The following MYO5C variants were observed in gnomAD, a reference collection of about 807,000 sequenced individuals.
MYO5C encodes the protein unconventional myosin-Vc.
Under a neutral mutation model 235.7 loss-of-function variants are expected in MYO5C, and 194 were observed. The ratio of observed to expected loss-of-function variants is 0.82; its 90% confidence interval spans 0.73 to 0.93. The LOEUF is 0.93. MYO5C is among the 40% of genes least tolerant of loss of function. MYO5C has a pLI of 0.00. For synonymous variants in MYO5C, 707 were observed against 754.8 expected (o/e 0.94, Z 1.04); for missense variants, 2,038 against 2,127.2 (o/e 0.96, Z 0.82).
chr15:52,247,292 G>A (rs977885581), intron 15 of MYO5C, among the ~76,000 whole-genome samples, 166 bp downstream of exon 15: 4 of 152,166 alleles, frequency 2.6e-5, no homozygotes, highest in African/African-American at 7.2e-5. Flanking sequence ...CCTTGGAGGT[G>A]GAAGTATGAC....
At chr15:52,199,774 G>A (rs2035142927) in intron 38 of MYO5C, among the ~76,000 whole-genome samples, 1 of 152,166 alleles carries the variant, frequency 6.6e-6, no homozygotes, top group Non-Finnish European at 1.5e-5. Context: ...GAAGAGAAGG[G>A]AAACTTCCCT....
At chr15:52,198,588 TTTTG>T (rs1260268014) in intron 38 of MYO5C, among the ~76,000 whole-genome samples, 2 of 152,116 alleles carry the variant, frequency 1.3e-5, no homozygotes, top group East Asian at 1.9e-4. Flanking sequence ...TTGTTTGTTT[TTTTG>T]TTTGTTTGAG....
chr15:52,268,250 CAA>C (rs1481045301), intron 8 of MYO5C, among the ~76,000 whole-genome samples: 7 of 152,138 alleles, frequency 4.6e-5, no homozygotes, highest in African/African-American at 1.7e-4. Context: ...GACATTTCAG[CAA>C]GAGAGATTTC....
Position 52,196,338 on chromosome 15 carries a change from C to T in MYO5C, c.4966G>A (p.Glu1656Lys), listed in dbSNP as rs188553744. Reference protein sequence around the residue: ...TTDSDAKEIYERCTSLSAVQI... With the variant: ...TTDSDAKEIYKRCTSLSAVQI... ...ACAGCAGACAGTGAGGTGCAGCGTT[C>T]GTAGATCTCCTTGGCATCACTGTCT... Residue 1656 changes from glutamate to lysine, a missense_variant, in exon 39 of 41, where the codon GAA (glutamate) becomes AAA (lysine). Coordinates refer to ENST00000261839, the MANE Select transcript of MYO5C (RefSeq NM_018728.4). The T allele has an allele frequency of 1.3e-4, 210 of 1,613,082 alleles. 1 individual carries two copies. The East Asian group carries it at 3.9e-3, about 30-fold the overall frequency.
intron 35 of MYO5C, among the ~76,000 whole-genome samples, chr15:52,211,527 C>T (rs944071723): frequency 4.6e-5 from 7 of 152,164 alleles, no homozygotes; most frequent in African/African-American, 1.4e-4. Context: ...GCAGTCTCGC[C>T]GGTAAGGCTT....
chr15:52,257,797 A>G (rs577588052), intron 10 of MYO5C, among the ~76,000 whole-genome samples: 100 of 152,304 alleles, frequency 6.6e-4, no homozygotes, highest in Middle Eastern at 3.4e-3. Context: ...CTTTGTTCTT[A>G]ATCGCTCTAA....
At chr15:52,202,583 C>A (rs1445434884) in intron 38 of MYO5C, among the ~76,000 whole-genome samples, 1 of 152,138 alleles carries the variant, frequency 6.6e-6, no homozygotes, top group African/African-American at 2.4e-5. Flanking sequence ...AGCAAAGGCT[C>A]TGATGTGGCT....
intron 10 of MYO5C, 152 bp downstream of exon 10, chr15:52,260,710 G>C: frequency 1.3e-6 from 1 of 786,386 alleles, no homozygotes; most frequent in African/African-American, 1.7e-5. Flanking sequence ...CATAGCCCAG[G>C]AGAGTGTACT....
chr15:52,265,323 C>T (rs780859076), intron 8 of MYO5C: 2 of 152,118 alleles, frequency 1.3e-5, no homozygotes, highest in Non-Finnish European at 2.9e-5. Context: ...TTTGCCAGGT[C>T]GGGATCCCCC....
chr15:52,234,492 A>G (rs1311920132), intron 23 of MYO5C, among the ~76,000 whole-genome samples: 5 of 152,156 alleles, frequency 3.3e-5, no homozygotes, highest in Non-Finnish European at 7.4e-5. Flanking sequence ...TAGGGGGGAA[A>G]AAAGCCAAAA....
chr15:52,245,380 T>G lies in MYO5C; in HGVS notation c.2152A>C (p.Lys718Gln). The change falls in exon 18 of 41, where the codon AAG becomes CAG. Residue 718 changes from lysine to glutamine, a missense_variant. Lys to Gln is a moderately conservative substitution (Grantham distance 53). Transcript: ENST00000261839. ...TGGATGAGTCTGTGTAAAACCACCTTGCACACCTCCTTTTTATCGCTGAAG... is the reference window on the plus strand; with the variant it reads ...TGGATGAGTCTGTGTAAAACCACCTGGCACACCTCCTTTTTATCGCTGAAG... ...LSFSDKKEVCKVVLHRLIQDS... is the reference protein window; with the variant it reads ...LSFSDKKEVCQVVLHRLIQDS... The G allele has an allele frequency of 2.5e-6, 4 of 1,614,006 alleles. No homozygotes were observed. In the Middle Eastern group the frequency reaches 4.9e-4, roughly 199 times the overall value.
chr15:52,211,750 C>A lies in MYO5C; in HGVS notation c.4276G>T (p.Gly1426Cys). 3 of 1,613,870 alleles carry A rather than the reference C, an allele frequency of 1.9e-6. No homozygotes were observed. The highest frequency in any genetic ancestry group is 2.5e-6 in the Non-Finnish European group (3 of 1,179,840). ...LKSLMNSTIN[G>C]IKQVVKEHLE... Reference sequence around the variant, plus strand: ...CCTACCTTAACCACCTGCTTGATGCCATTAATGGTGCTGTTCATGAGGGAC... The same window carrying A: ...CCTACCTTAACCACCTGCTTGATGCAATTAATGGTGCTGTTCATGAGGGAC... Residue 1426 changes from glycine to cysteine, a missense_variant, in exon 35 of 41, where the codon GGC (glycine) becomes TGC (cysteine). By Grantham distance (159) the Gly-to-Cys change is radical (BLOSUM62 -3). Transcript: ENST00000261839.
intron 38 of MYO5C, among the ~76,000 whole-genome samples, chr15:52,203,701 G>C (rs2035238016): frequency 6.6e-6 from 1 of 152,140 alleles, no homozygotes; most frequent in Non-Finnish European, 1.5e-5. Context: ...TCACCCTGTT[G>C]TGCTATCAAA....
chr15:52,273,148 C>A (rs886612284), intron 5 of MYO5C, among the ~76,000 whole-genome samples: 3 of 152,070 alleles, frequency 2.0e-5, no homozygotes, highest in African/African-American at 7.2e-5. Context: ...GTGAGACCCC[C>A]GTCTCTACAA....
intron 22 of MYO5C, 28 bp from the exon 23 acceptor site, chr15:52,235,791 CTTT>C: frequency 6.5e-7 from 1 of 1,535,398 alleles, no homozygotes; most frequent in East Asian, 2.3e-5. Flanking sequence ...GAAAAACAAA[CTTT>C]TTTGAAAACC....
At chr15:52,268,432 G>A (rs1342109333) in intron 8 of MYO5C, among the ~76,000 whole-genome samples, 6 of 152,134 alleles carry the variant, frequency 3.9e-5, no homozygotes, top group African/African-American at 4.8e-5. Context: ...GTGTGGTGGC[G>A]TGTGCTTGTA....
In MYO5C at chr15:52,193,629, A is replaced by G; in HGVS notation, c.*273T>C. ...GAACAGATCAAGAGGCACGTGGAAGAAAATATGAGCCCTCCAGGAATTTCA... is the reference window on the plus strand; with the variant it reads ...GAACAGATCAAGAGGCACGTGGAAGGAAATATGAGCCCTCCAGGAATTTCA... On this transcript the variant is annotated 3_prime_UTR_variant, in exon 41 of 41. Transcript: ENST00000261839. The G allele has an allele frequency of 2.6e-6, 1 of 383,176 alleles. No individual in the cohort carries two copies. Among genetic ancestry groups the G allele is most frequent in the Non-Finnish European group, 4.7e-6 (1 of 212,896 alleles). The allele number at this position is 383,176 out of a possible 1,614,324, so 23.7% of individuals were successfully genotyped here. A position where few individuals can be genotyped will look rare whatever the true frequency, so the allele number is the denominator to read the frequency against.
rs2036038506 is a variant in MYO5C at position 52,234,728 on chromosome 15, C to T, written c.2962+942G>A. Among the ~76,000 whole-genome samples, 5 of 152,198 alleles carry T rather than the reference C, an allele frequency of 3.3e-5. No individual in the cohort carries two copies. The South Asian group carries it at 1.0e-3, about 31-fold the overall frequency. On this transcript the variant is annotated intron_variant, in intron 23 of 40. Transcript: ENST00000261839. Reference sequence around the variant, plus strand: ...TGCTCCTCGTCAGCACCTGCACAGCCTTTCCTGCCCCAGTGCCCTGGTGTC... The same window carrying T: ...TGCTCCTCGTCAGCACCTGCACAGCTTTTCCTGCCCCAGTGCCCTGGTGTC...
intron 13 of MYO5C, among the ~76,000 whole-genome samples, chr15:52,250,234 T>C (rs1446932209): frequency 9.1e-6 from 1 of 109,924 alleles, no homozygotes; most frequent in Non-Finnish European, 1.7e-5. Flanking sequence ...TCTTTTTTTT[T>C]TCTTTTTCTT....
Sources: allele counts gnomAD v4.1 joint callset (sites outside exome capture counted in the v4.1 genomes callset), GRCh38; gene constraint gnomAD v4.1.1; transcripts MANE v1.5; gene names NCBI Gene and HGNC (gene_info 2026-07-23, HGNC 2026-07-21).